PACSIN1: variants seen among roughly 807,000 people sequenced by gnomAD.
The protein encoded by PACSIN1 is protein kinase C and casein kinase substrate in neurons 1, also known as protein kinase C and casein kinase substrate in neurons protein 1.
In PACSIN1, 15 loss-of-function variants were observed where a neutral mutation model predicts 59.5. The observed-to-expected ratio is 0.25, with a 90% CI of 0.17 to 0.39. PACSIN1 has a LOEUF of 0.39. PACSIN1 is among the 10% of genes least tolerant of loss of function. PACSIN1 has a pLI of 1.00. For missense variants in PACSIN1, 420 were observed against 580.2 expected (o/e 0.72, Z 2.84); for synonymous variants, 210 against 220.6 (o/e 0.95, Z 0.42).
chr6:34,530,389 G>A lies in PACSIN1; in HGVS notation c.909+26G>A, dbSNP rs1201509390. 1.2e-6 allele frequency: 2 copies of A among 1,611,184 alleles called. No homozygotes were observed. The highest frequency in any genetic ancestry group is 2.7e-5 in the African/African-American group (2 of 74,868). ...GTGAGGATATGTGGGGATGGGAAGG[G>A]GAGCCTGAAGAGGCTGAAAGGTGCC... On this transcript the variant is annotated intron_variant, in intron 7 of 9. Transcript: ENST00000244458. The surrounding 1 kb of genome is among the most constrained non-coding windows in gnomAD (Gnocchi z 4.4).
In PACSIN1 at chr6:34,531,590, C is replaced by T. The variant is rs759068281; in HGVS notation, c.1038-10C>T. On this transcript the variant is annotated splice_polypyrimidine_tract_variant and intron_variant, in intron 8 of 9. Transcript: ENST00000244458. This position sits in a 1 kb window ranked among gnomAD's most constrained non-coding sequence, Gnocchi z 4.4. The stretch of plus-strand genomic sequence containing the variant: ...AGACATTGAAGCTGGCTCCTTCCTC[C>T]GCGTCTCAGTGTTAGCAGCTACGAC... 3.7e-6 allele frequency: 6 copies of T among 1,613,020 alleles called. No individual in the cohort carries two copies. The highest frequency in any genetic ancestry group is 5.1e-6 in the Non-Finnish European group (6 of 1,179,598).
intron 1 of PACSIN1, among the ~76,000 whole-genome samples, chr6:34,477,808 G>C (rs1391681024): frequency 1.3e-5 from 2 of 152,110 alleles, no homozygotes; most frequent in Non-Finnish European, 2.9e-5. Context: ...GAGTGCAGTG[G>C]CATGATCTTG....
At chr6:34,474,130 G>A (rs115236101) in intron 1 of PACSIN1, among the ~76,000 whole-genome samples, 1 of 152,156 alleles carries the variant, frequency 6.6e-6, no homozygotes, top group Non-Finnish European at 1.5e-5. Context: ...GGTTTGTCCT[G>A]CTGTGTTTCC....
chr6:34,510,105 G>T (rs1332640527), intron 1 of PACSIN1, among the ~76,000 whole-genome samples: 2 of 152,368 alleles, frequency 1.3e-5, no homozygotes, highest in South Asian at 2.1e-4. Flanking sequence ...CCCTCTGTGG[G>T]TGGGCATTTG....
At chr6:34,523,808 G>C (rs1310379855) in intron 1 of PACSIN1, among the ~76,000 whole-genome samples, 2 of 152,228 alleles carry the variant, frequency 1.3e-5, no homozygotes, top group Non-Finnish European at 2.9e-5. Flanking sequence ...GGCAGGATGG[G>C]AAGGTGTGTC....
intron 1 of PACSIN1, among the ~76,000 whole-genome samples, chr6:34,475,419 C>T (rs1352825583): frequency 6.6e-6 from 1 of 152,178 alleles, no homozygotes; most frequent in Non-Finnish European, 1.5e-5. Context: ...GATTCCCGGG[C>T]AAATGATTTA....
intron 1 of PACSIN1, among the ~76,000 whole-genome samples, chr6:34,485,853 G>C (rs1056514125): frequency 1.3e-5 from 2 of 152,184 alleles, no homozygotes; most frequent in Non-Finnish European, 2.9e-5. Flanking sequence ...CTGGCCATGG[G>C]GGTCAGCAGT....
chr6:34,470,440 A>G (rs148031134), intron 1 of PACSIN1, among the ~76,000 whole-genome samples: 5,413 of 152,098 alleles, frequency 0.036, 219 homozygotes, highest in African/African-American at 0.1. Context: ...CGGCCTCCCA[A>G]AGTGCTGGGA....
chr6:34,519,710 A>C (rs1394238977), intron 1 of PACSIN1, among the ~76,000 whole-genome samples: 1 of 152,094 alleles, frequency 6.6e-6, no homozygotes, highest in Non-Finnish European at 1.5e-5. Context: ...AGGTGCTATC[A>C]TGGGGGTAGG....
In PACSIN1 at chr6:34,488,141, G is replaced by A. The variant is rs370407269; in HGVS notation, c.-64+21871G>A. ...GTCTGGGTGGCTTCCCTTTTGAGGG[G>A]ACCTGGCCCCTCATGTCTGAGGGAG... On this transcript the variant is annotated intron_variant, in intron 1 of 9. Transcript: ENST00000244458. The surrounding 1 kb of genome is among the most constrained non-coding windows in gnomAD (Gnocchi z 4.7). 1.1e-4 allele frequency among the ~76,000 whole-genome samples: 17 copies of A among 152,220 alleles called. No individual in the cohort carries two copies. The highest frequency in any genetic ancestry group is 4.6e-4 in the Admixed American group (7 of 15,294).
At chr6:34,490,321 C>A (rs189094014) in intron 1 of PACSIN1, among the ~76,000 whole-genome samples, 1 of 151,118 alleles carries the variant, frequency 6.6e-6, no homozygotes, top group East Asian at 1.9e-4. Context: ...CCCACTTACG[C>A]CTCCCAAAGT....
intron 1 of PACSIN1, among the ~76,000 whole-genome samples, chr6:34,471,798 T>C (rs1766574108): frequency 6.6e-6 from 1 of 152,164 alleles, no homozygotes; most frequent in South Asian, 2.1e-4. Context: ...GCAGAGACAG[T>C]CAGTGTAGCA....
rs3800470 is a variant in PACSIN1, at chr6:34,513,951, C to T, written c.-63-12292C>T. 3.9e-5 allele frequency among the ~76,000 whole-genome samples: 6 copies of T among 152,168 alleles called. No individual in the cohort carries two copies. In the East Asian group the frequency reaches 5.8e-4, roughly 15 times the overall value. On this transcript the variant is annotated intron_variant, in intron 1 of 9. Coordinates refer to ENST00000244458, the MANE Select transcript of PACSIN1 (RefSeq NM_020804.5). Reference sequence around the variant, plus strand: ...GGCTAGCACCAGGGCTTGTGTGTGCCGCACTGAGTTTGTGTAGGAAGGGCT... The same window carrying T: ...GGCTAGCACCAGGGCTTGTGTGTGCTGCACTGAGTTTGTGTAGGAAGGGCT...
At chr6:34,492,368 C>T (rs1184142311) in intron 1 of PACSIN1, among the ~76,000 whole-genome samples, 2 of 151,012 alleles carry the variant, frequency 1.3e-5, no homozygotes, top group African/African-American at 4.9e-5. Context: ...ATCACCATGC[C>T]CAGCTAATTT....
At chr6:34,526,477 C>A in intron 2 of PACSIN1, 109 bp downstream of exon 2, 1 of 851,676 alleles carries the variant, frequency 1.2e-6, no homozygotes. Flanking sequence ...CGCAGTCCCC[C>A]AGGCCCCTCC....
At chr6:34,503,150 C>T (rs1221201873) in intron 1 of PACSIN1, among the ~76,000 whole-genome samples, 7 of 151,980 alleles carry the variant, frequency 4.6e-5, no homozygotes, top group South Asian at 2.1e-4. Context: ...CACCTGTAGT[C>T]CCAGCTACTC....
intron 1 of PACSIN1, among the ~76,000 whole-genome samples, chr6:34,499,775 G>A (rs536345730): frequency 2.2e-4 from 34 of 151,804 alleles, no homozygotes; most frequent in Admixed American, 5.9e-4. Context: ...CAGCCTGGGC[G>A]ACACAGTGAA....
At position 34,514,627 on chromosome 6, in the gene PACSIN1, C is replaced by T. The variant is rs537472037; in HGVS notation, c.-63-11616C>T. On this transcript the variant is annotated intron_variant, in intron 1 of 9. Transcript: ENST00000244458. The surrounding 1 kb of genome is among the most constrained non-coding windows in gnomAD (Gnocchi z 4.4). ...TGGAGCAGGGCTTCCCAGTCGAGGG[C>T]GGCGGCCGAGCCTGTGTCCCCACCA... Among the ~76,000 whole-genome samples the T allele has an allele frequency of 5.1e-4, 78 of 151,868 alleles. No homozygotes were observed. The highest frequency in any genetic ancestry group is 9.4e-4 in the Non-Finnish European group (64 of 67,932).
intron 1 of PACSIN1, among the ~76,000 whole-genome samples, chr6:34,505,960 G>A (rs1386620665): frequency 1.3e-5 from 2 of 151,946 alleles, no homozygotes; most frequent in African/African-American, 4.8e-5. Flanking sequence ...CTCACTGGAC[G>A]TTGAGCCCAT....
Sources: gnomAD v4.1 joint callset for allele counts (sites outside exome capture counted in the v4.1 genomes callset) on GRCh38, gnomAD v4.1.1 for gene constraint, Gnocchi (gnomAD v3.1) non-coding constraint, MANE v1.5 for transcripts, NCBI Gene and HGNC (gene_info 2026-07-23, HGNC 2026-07-21) for gene names.